The following RAD51C variants were observed in gnomAD, a reference collection of about 807,000 sequenced individuals.
The protein encoded by RAD51C is DNA repair protein RAD51 homolog 3.
Under a neutral mutation model 45.0 loss-of-function variants are expected in RAD51C, and 42 were observed. The observed-to-expected ratio is 0.93, with a 90% CI of 0.73 to 1.21. The LOEUF (loss-of-function observed/expected upper bound fraction) is 1.21. Among genes scored for constraint, RAD51C ranks in the 50% most tolerant of loss-of-function variants. The pLI is 0.00. For missense variants in RAD51C, 474 were observed against 452.2 expected, an observed-to-expected ratio of 1.05 and a Z score of -0.44; for synonymous variants, 172 against 159.8, an observed-to-expected ratio of 1.08 and a Z score of -0.58.
intron 6 of RAD51C, among the ~76,000 whole-genome samples, chr17:58,722,697 AC>A (rs2048961233): frequency 6.6e-6 from 1 of 152,140 alleles, no homozygotes; most frequent in Admixed American, 6.6e-5. Context: ...ATCAACGTAG[AC>A]CACTTCTGTA....
intron 1 of RAD51C, 55 bp downstream of exon 1, chr17:58,692,843 A>C: frequency 6.2e-7 from 1 of 1,613,028 alleles, no homozygotes; most frequent in Non-Finnish European, 8.5e-7. Context: ...GCGCCGCCTC[A>C]GTCTTCGTTC....
At chr17:58,731,000 C>G (rs1305115949) in intron 7 of RAD51C, among the ~76,000 whole-genome samples, 1 of 152,122 alleles carries the variant, frequency 6.6e-6, no homozygotes. Context: ...AATTTTACTC[C>G]TCTAGCAACC....
At chr17:58,693,294 A>G (rs2047858135) in intron 1 of RAD51C, 1 of 167,026 alleles carries the variant, frequency 6.0e-6, no homozygotes, top group African/African-American at 2.4e-5. Flanking sequence ...TTGAGGAAGC[A>G]TAGAAAGAAT....
At chr17:58,712,835 G>T (rs761276212) in intron 5 of RAD51C, among the ~76,000 whole-genome samples, 1 of 146,610 alleles carries the variant, frequency 6.8e-6, no homozygotes, top group African/African-American at 2.5e-5. Flanking sequence ...AAAAGAAAAT[G>T]AGGTCATGCC....
chr17:58,700,113 T>A (rs1042010476), intron 3 of RAD51C: 1 of 152,210 alleles, frequency 6.6e-6, no homozygotes, highest in East Asian at 1.9e-4. Context: ...TACGTCGGCT[T>A]CCCTAAGTGC....
At position 58,734,629 on chromosome 17, in the gene RAD51C, C is replaced by T. The variant is rs2049581254; in HGVS notation, c.*407C>T. The T allele has an allele frequency of 5.2e-6, 1 of 191,512 alleles. No homozygotes were observed. The highest frequency in any genetic ancestry group is 3.1e-5 in the African/African-American group (1 of 32,084). 11.9% of individuals were successfully genotyped at this position (191,512 alleles called of 1,614,324 possible). The stretch of plus-strand genomic sequence containing the variant: ...TTTTTTTTGGAGATGGATTCTCGCT[C>T]TGTAGTCCAGGCTGGAGTGCAATGG... On this transcript the variant is annotated 3_prime_UTR_variant, in exon 9 of 9. Coordinates refer to ENST00000337432, the MANE Select transcript of RAD51C (RefSeq NM_058216.3).
chr17:58,734,420 CCT>C lies in RAD51C; in HGVS notation c.*199_*200del. 3.3e-6 allele frequency: 3 copies of C among 902,836 alleles called. No individual in the cohort carries two copies. Among genetic ancestry groups the C allele is most frequent in the Admixed American group, 2.9e-5 (1 of 34,106 alleles). 55.9% of individuals were successfully genotyped at this position (902,836 alleles called of 1,614,324 possible). ...GCAGTATTCTGCAATTATATTTTAC[CCT>C]GTTTTCATTTTCAGTAACATTCAGT... On this transcript the variant is annotated 3_prime_UTR_variant, in exon 9 of 9. Coordinates refer to ENST00000337432, the MANE Select transcript of RAD51C (RefSeq NM_058216.3).
At chr17:58,719,838 C>T (rs1279236637) in intron 5 of RAD51C, among the ~76,000 whole-genome samples, 3 of 150,608 alleles carry the variant, frequency 2.0e-5, no homozygotes, top group African/African-American at 7.3e-5. Context: ...ACGCCATTCT[C>T]CTGTCTCAGC....
At chr17:58,708,494 A>G (rs1449505875) in intron 4 of RAD51C, among the ~76,000 whole-genome samples, 1 of 152,134 alleles carries the variant, frequency 6.6e-6, no homozygotes, top group South Asian at 2.1e-4. Context: ...AAATGAAGAA[A>G]CAAATACTCT....
At chr17:58,732,596 TC>T (rs2049477299) in intron 8 of RAD51C, 52 bp downstream of exon 8, 1 of 1,533,038 alleles carries the variant, frequency 6.5e-7, no homozygotes, top group African/African-American at 1.4e-5. Flanking sequence ...GCGGTAATTA[TC>T]TAAAGAGAGA....
intron 3 of RAD51C, among the ~76,000 whole-genome samples, chr17:58,699,703 T>C (rs1310448625): frequency 6.6e-6 from 1 of 152,240 alleles, no homozygotes; most frequent in African/African-American, 2.4e-5. Context: ...CAGACAACTT[T>C]AGACCATTAT....
chr17:58,696,951 A>G (rs2048039243), intron 3 of RAD51C, 92 bp downstream of exon 3: 5 of 1,394,842 alleles, frequency 3.6e-6, no homozygotes, highest in African/African-American at 1.4e-5. Context: ...TCCATTTGGA[A>G]TGTGAAGCCT....
intron 4 of RAD51C, among the ~76,000 whole-genome samples, chr17:58,709,366 C>T (rs1381707309): frequency 2.0e-5 from 3 of 152,020 alleles, no homozygotes; most frequent in East Asian, 3.9e-4. Context: ...TGTGAGCCAC[C>T]GCGCCCAGCC....
chr17:58,709,791 A>G, intron 4 of RAD51C, 68 bp from the exon 5 acceptor site: 1 of 1,453,342 alleles, frequency 6.9e-7, no homozygotes, highest in Non-Finnish European at 9.6e-7. Flanking sequence ...TCTTGGAGAG[A>G]GAGAGCATTT....
chr17:58,723,717 A>G lies in RAD51C; in HGVS notation c.905-323A>G, dbSNP rs1033407109. Among the ~76,000 whole-genome samples, 4 of 152,108 alleles carry G rather than the reference A, an allele frequency of 2.6e-5. 1 individual carries two copies. On this transcript the variant is annotated intron_variant, in intron 6 of 8. Coordinates refer to ENST00000337432, the MANE Select transcript of RAD51C (RefSeq NM_058216.3). ...TTCTGTTGATGTCAAAAAAAAAAAA[A>G]GAATATTCTACCAGAGTTTTTACTT...
At chr17:58,708,846 A>T (rs1019919104) in intron 4 of RAD51C, among the ~76,000 whole-genome samples, 1 of 148,492 alleles carries the variant, frequency 6.7e-6, no homozygotes, top group Admixed American at 6.7e-5. Flanking sequence ...GGGATTACAG[A>T]TGTGAGCCAC....
chr17:58,717,077 T>G (rs1222105705), intron 5 of RAD51C, among the ~76,000 whole-genome samples: 4 of 151,168 alleles, frequency 2.6e-5, no homozygotes, highest in African/African-American at 9.7e-5. Context: ...GGGATTACAG[T>G]CGTGAGCCAC....
chr17:58,729,255 T>C (rs983674017), intron 7 of RAD51C, among the ~76,000 whole-genome samples: 12 of 152,200 alleles, frequency 7.9e-5, no homozygotes, highest in African/African-American at 2.7e-4. Context: ...TTCGCTTTTG[T>C]TGCCCAGGCT....
chr17:58,725,991 C>A (rs1185464427), intron 7 of RAD51C, among the ~76,000 whole-genome samples: 5 of 147,778 alleles, frequency 3.4e-5, no homozygotes. Context: ...ACTCCATCCA[C>A]CCCCTGCAAA....
Sources: allele counts gnomAD v4.1 joint callset (sites outside exome capture counted in the v4.1 genomes callset), GRCh38; gene constraint gnomAD v4.1.1; transcripts MANE v1.5; gene names NCBI Gene and HGNC (gene_info 2026-07-23, HGNC 2026-07-21).